Variants in DIP2C observed in about 807,000 individuals in gnomAD.
The protein encoded by DIP2C is DIP2 acetate--CoA ligase C (putative), also known as disco-interacting protein 2 homolog C.
A neutral mutation model predicts 192.4 loss-of-function variants in DIP2C; 33 were observed. The observed-to-expected ratio is 0.17, with a 90% CI of 0.13 to 0.23. The LOEUF (loss-of-function observed/expected upper bound fraction) is 0.23, where lower values mean the gene tolerates loss of function less well. DIP2C is among the 10% of genes least tolerant of loss of function. The pLI is 1.00. For synonymous variants in DIP2C, 979 were observed against 864.1 expected (o/e 1.13, Z -2.33); for missense variants, 1,537 against 2,110.1 (o/e 0.73, Z 5.32).
At chr10:649,913 C>T (rs960295092) in intron 1 of DIP2C, 12 of 581,466 alleles carry the variant, frequency 2.1e-5, no homozygotes, top group Non-Finnish European at 3.4e-5. Context: ...CCGTCACCTG[C>T]GTCCCCGTGC....
intron 1 of DIP2C, among the ~76,000 whole-genome samples, chr10:557,823 C>T (rs57039516): frequency 1.4e-5 from 1 of 72,116 alleles, no homozygotes; most frequent in South Asian, 7.5e-4. Context: ...GGGGAGGGGG[C>T]AGGAAGGCAG....
intron 1 of DIP2C, among the ~76,000 whole-genome samples, chr10:532,408 G>C (rs59361292): frequency 6.6e-6 from 1 of 152,186 alleles, no homozygotes; most frequent in Non-Finnish European, 1.5e-5. Context: ...AAAACTGGCC[G>C]CTGCATTTTC....
intron 1 of DIP2C, among the ~76,000 whole-genome samples, chr10:499,749 C>A (rs536240968): frequency 6.6e-6 from 1 of 152,184 alleles, no homozygotes; most frequent in African/African-American, 2.4e-5. Context: ...ATGGAAATTA[C>A]AATTCGAGAT....
chr10:396,004 T>G (rs1963960573), intron 10 of DIP2C, among the ~76,000 whole-genome samples: 1 of 152,056 alleles, frequency 6.6e-6, no homozygotes, highest in African/African-American at 2.4e-5. Flanking sequence ...ACAGTGAACG[T>G]GCAGCCTCTA....
chr10:385,170 C>T (rs10904085), intron 14 of DIP2C, among the ~76,000 whole-genome samples: 48,665 of 151,406 alleles, frequency 0.32, 9,120 homozygotes, highest in Non-Finnish European at 0.43. Context: ...ATCAGCAGCT[C>T]TCAGGGAGCA....
intron 1 of DIP2C, among the ~76,000 whole-genome samples, chr10:498,308 C>G (rs574946447): frequency 1.3e-5 from 2 of 152,212 alleles, no homozygotes; most frequent in Non-Finnish European, 2.9e-5. Flanking sequence ...GACAGGGACA[C>G]GCTGTACACC....
At chr10:553,694 ACAAG>A (rs1483852987) in intron 1 of DIP2C, among the ~76,000 whole-genome samples, 2 of 152,248 alleles carry the variant, frequency 1.3e-5, no homozygotes, top group African/African-American at 4.8e-5. Context: ...AGAGTGGCGA[ACAAG>A]CAAGAAATAT....
intron 2 of DIP2C, among the ~76,000 whole-genome samples, chr10:473,432 C>T (rs1205281819): frequency 1.3e-5 from 2 of 151,710 alleles, no homozygotes; most frequent in Admixed American, 1.3e-4. Context: ...GCTCTGATAC[C>T]ACAGAAAGGA....
At chr10:670,185 T>G (rs1425180782) in intron 1 of DIP2C, among the ~76,000 whole-genome samples, 1 of 151,156 alleles carries the variant, frequency 6.6e-6, no homozygotes, top group Non-Finnish European at 1.5e-5. Flanking sequence ...CATGTACACG[T>G]GTGTACATGT....
At chr10:578,738 T>C (rs1428091285) in intron 1 of DIP2C, among the ~76,000 whole-genome samples, 2 of 151,974 alleles carry the variant, frequency 1.3e-5, no homozygotes, top group African/African-American at 2.4e-5. Context: ...CAGTGTAACA[T>C]GTGTACATGC....
At position 286,360 on chromosome 10, in the gene DIP2C, G is replaced by C; in HGVS notation, c.4045-13C>G. On this transcript the variant is annotated splice_polypyrimidine_tract_variant and intron_variant, in intron 33 of 36. Transcript: ENST00000280886. ...CCCCTGGAAGTATCTATTTGGGAGA[G>C]GAAAAGTCTCTTGTCAATGGGAGGA... is the stretch of plus-strand genomic sequence containing the variant. 2 of 1,612,950 alleles carry C rather than the reference G, an allele frequency of 1.2e-6. No individual in the cohort carries two copies. Among genetic ancestry groups the C allele is most frequent in the Non-Finnish European group, 1.7e-6 (2 of 1,179,030 alleles).
intron 1 of DIP2C, among the ~76,000 whole-genome samples, chr10:583,990 G>T (rs1850821173): frequency 6.6e-6 from 1 of 152,174 alleles, no homozygotes; most frequent in Non-Finnish European, 1.5e-5. Flanking sequence ...CCAGGGTGCT[G>T]GGTGGGTCCG....
At chr10:604,667 A>G (rs948236942) in intron 1 of DIP2C, among the ~76,000 whole-genome samples, 1 of 152,236 alleles carries the variant, frequency 6.6e-6, no homozygotes, top group South Asian at 2.1e-4. Flanking sequence ...TTTTTATCCA[A>G]AAAGTTCTCT....
intron 1 of DIP2C, among the ~76,000 whole-genome samples, chr10:558,423 G>C (rs563663547): frequency 6.6e-6 from 1 of 152,192 alleles, no homozygotes; most frequent in Non-Finnish European, 1.5e-5. Flanking sequence ...TCTCTATTCA[G>C]AAATGCGTAA....
At chr10:312,708 G>C (rs1956614851) in intron 31 of DIP2C, among the ~76,000 whole-genome samples, 1 of 152,082 alleles carries the variant, frequency 6.6e-6, no homozygotes, top group African/African-American at 2.4e-5. Context: ...CCTTATGTTT[G>C]AAAAAGAGAG....
At chr10:473,615 G>A (rs573737892) in intron 2 of DIP2C, among the ~76,000 whole-genome samples, 11 of 136,036 alleles carry the variant, frequency 8.1e-5, no homozygotes, top group East Asian at 2.2e-4. Context: ...ATCCTACGCC[G>A]TCCCCACAGC....
chr10:581,296 A>G (rs537346034), intron 1 of DIP2C, among the ~76,000 whole-genome samples: 5 of 152,346 alleles, frequency 3.3e-5, no homozygotes, highest in African/African-American at 9.6e-5. Context: ...ATCCACACCC[A>G]ACTTTCTAAA....
At chr10:332,703 A>G (rs1957557894) in intron 29 of DIP2C, among the ~76,000 whole-genome samples, 1 of 152,254 alleles carries the variant, frequency 6.6e-6, no homozygotes, top group African/African-American at 2.4e-5. Context: ...TAAGTAATAC[A>G]CATTCGCACA....
At chr10:374,725 A>G (rs1392032010) in intron 17 of DIP2C, among the ~76,000 whole-genome samples, 1 of 152,186 alleles carries the variant, frequency 6.6e-6, no homozygotes, top group Non-Finnish European at 1.5e-5. Flanking sequence ...CTTAGATGAT[A>G]TTTATCTCCA....
Sources: gnomAD v4.1 joint callset for allele counts (sites outside exome capture counted in the v4.1 genomes callset) on GRCh38, gnomAD v4.1.1 for gene constraint, MANE v1.5 for transcripts, NCBI Gene and HGNC (gene_info 2026-07-23, HGNC 2026-07-21) for gene names.